Variants in VWDE observed in about 807,000 individuals in gnomAD.
VWDE encodes the protein von Willebrand factor D and EGF domain-containing protein.
VWDE carries 207 observed loss-of-function variants against 178.4 expected under a neutral mutation model. That is an observed-to-expected ratio of 1.16 (90% CI 1.04 to 1.30). VWDE has a LOEUF of 1.30. VWDE is among the 50% of genes most tolerant of loss of function. The pLI is 0.00. For synonymous variants in VWDE, 738 were observed against 651.4 expected (o/e 1.13, Z -2.02); for missense variants, 2,287 against 1,901.3 (o/e 1.20, Z -3.77).
In VWDE at chr7:12,336,150, AC is replaced by A. The variant is rs1424585683; in HGVS notation, c.4644del (p.Cys1549ValfsTer39). On this transcript the variant is annotated frameshift_variant, in exon 27 of 29. Coordinates refer to ENST00000275358, the MANE Select transcript of VWDE (RefSeq NM_001135924.3). LOFTEE classifies it high-confidence loss of function. ...CATCCTGTGGGCTTACGTATTTGACACCGCACTCCTTCCCAGGAGGAAGGAC... is the reference window on the plus strand; with the variant it reads ...CATCCTGTGGGCTTACGTATTTGACACGCACTCCTTCCCAGGAGGAAGGAC... ...CHCPSSWEGV[R>X]CQIPICNPKC... 7.1e-6 allele frequency: 11 copies of A among 1,550,578 alleles called. No homozygotes were observed. Among genetic ancestry groups the A allele is most frequent in the Middle Eastern group, 1.7e-4 (1 of 6,008 alleles).
intron 13 of VWDE, among the ~76,000 whole-genome samples, chr7:12,362,262 C>T (rs1339446419): frequency 1.3e-5 from 2 of 151,680 alleles, no homozygotes; most frequent in African/African-American, 4.8e-5. Context: ...TGCACACATA[C>T]TGAGTCTTCA....
intron 26 of VWDE, among the ~76,000 whole-genome samples, chr7:12,336,776 C>T (rs1218341983): frequency 6.6e-6 from 1 of 152,070 alleles, no homozygotes; most frequent in African/African-American, 2.4e-5. Context: ...CTGAAAAATA[C>T]AAGATATCCT....
At chr7:12,391,935 C>G (rs1320297250) in intron 2 of VWDE, among the ~76,000 whole-genome samples, 1 of 152,064 alleles carries the variant, frequency 6.6e-6, no homozygotes, top group Non-Finnish European at 1.5e-5. Flanking sequence ...AACTCACACC[C>G]AAAAAGTGTA....
chr7:12,398,069 A>T (rs942956820), intron 1 of VWDE, among the ~76,000 whole-genome samples: 13 of 152,192 alleles, frequency 8.5e-5, no homozygotes, highest in Non-Finnish European at 1.6e-4. Flanking sequence ...GTATATACCC[A>T]GGGAAAATGA....
intron 1 of VWDE, among the ~76,000 whole-genome samples, chr7:12,401,926 A>ATAG (rs1470508379): frequency 6.6e-6 from 1 of 152,214 alleles, no homozygotes. Flanking sequence ...CATACAAAAT[A>ATAG]TAGTATATCC....
At chr7:12,339,183 G>C (rs1394531169) in intron 24 of VWDE, among the ~76,000 whole-genome samples, 1 of 152,076 alleles carries the variant, frequency 6.6e-6, no homozygotes, top group Non-Finnish European at 1.5e-5. Flanking sequence ...CTTAAAGCAT[G>C]GAATACGTTC....
chr7:12,341,307 C>T (rs1781315475), intron 23 of VWDE, among the ~76,000 whole-genome samples: 1 of 152,018 alleles, frequency 6.6e-6, no homozygotes, highest in East Asian at 1.9e-4. Flanking sequence ...TGAATTAGAT[C>T]AAACATAGAT....
At chr7:12,356,899 A>T (rs1782278951) in intron 17 of VWDE, among the ~76,000 whole-genome samples, 1 of 152,218 alleles carries the variant, frequency 6.6e-6, no homozygotes, top group Non-Finnish European at 1.5e-5. Flanking sequence ...TATAATCTTG[A>T]TTTCTAATTC....
chr7:12,331,785 G>C (rs1429292866), intron 28 of VWDE, among the ~76,000 whole-genome samples: 1 of 152,018 alleles, frequency 6.6e-6, no homozygotes, highest in Admixed American at 6.6e-5. Flanking sequence ...TAAGTGGCAG[G>C]GTCAGAGTGA....
chr7:12,337,785 A>G (rs2128545198), intron 24 of VWDE, among the ~76,000 whole-genome samples: 1 of 152,216 alleles, frequency 6.6e-6, no homozygotes, highest in South Asian at 2.1e-4. Flanking sequence ...TTAACAATAA[A>G]TCCTTGGTTT....
At chr7:12,367,600 A>G (rs1265904011) in intron 12 of VWDE, 107 bp from the exon 13 acceptor site, 64 of 961,538 alleles carry the variant, frequency 6.7e-5, no homozygotes, top group Non-Finnish European at 9.3e-5. Flanking sequence ...ATAATATTTT[A>G]AAGTATACCT....
At position 12,361,452 on chromosome 7, in the gene VWDE, C is replaced by T. The variant is rs770289551; in HGVS notation, c.2968G>A (p.Val990Ile). 6.4e-7 allele frequency: 1 copy of T among 1,551,132 alleles called. No individual in the cohort carries two copies. Among genetic ancestry groups the T allele is most frequent in the Non-Finnish European group, 8.7e-7 (1 of 1,146,676 alleles). ...TQTVFHNSRA[V>I]DCQLPTDVQQ... ...ACATCAGTGGGCAGCTGACAATCAA[C>T]AGCTCTGCTATTGTGGAAAACAGTC... is the stretch of plus-strand genomic sequence containing the variant. The change falls in exon 14 of 29, where the codon GTT becomes ATT. Residue 990 changes from valine to isoleucine, a missense_variant. Val to Ile is a conservative substitution (Grantham distance 29). Coordinates refer to ENST00000275358, the MANE Select transcript of VWDE (RefSeq NM_001135924.3).
intron 3 of VWDE, among the ~76,000 whole-genome samples, chr7:12,387,374 T>C (rs1005317440): frequency 3.3e-5 from 5 of 151,996 alleles, no homozygotes; most frequent in African/African-American, 9.7e-5. Flanking sequence ...AAATTAACCA[T>C]AGGAGAAAAC....
intron 7 of VWDE, 100 bp from the exon 8 acceptor site, chr7:12,375,327 T>C: frequency 1.0e-6 from 1 of 985,816 alleles, no homozygotes; most frequent in South Asian, 1.7e-5. Flanking sequence ...GTAAGATTAT[T>C]CTCAAATTAT....
At chr7:12,386,914 G>A (rs984154280) in intron 3 of VWDE, among the ~76,000 whole-genome samples, 8 of 152,294 alleles carry the variant, frequency 5.3e-5, no homozygotes, top group African/African-American at 1.9e-4. Context: ...AACTCCAGCA[G>A]TACATATGTG....
intron 23 of VWDE, among the ~76,000 whole-genome samples, chr7:12,341,321 T>C (rs1028427551): frequency 6.6e-6 from 1 of 152,110 alleles, no homozygotes; most frequent in Non-Finnish European, 1.5e-5. Flanking sequence ...CATAGATAAC[T>C]GCAAACATTG....
intron 23 of VWDE, among the ~76,000 whole-genome samples, chr7:12,341,646 G>C (rs538964016): frequency 4.0e-4 from 57 of 141,388 alleles, no homozygotes; most frequent in African/African-American, 1.5e-3. Context: ...AAAAAAAAAA[G>C]CCTAATACTG....
intron 13 of VWDE, among the ~76,000 whole-genome samples, chr7:12,367,052 C>T (rs1782897486): frequency 6.6e-6 from 1 of 151,934 alleles, no homozygotes. Context: ...AACAATGTCT[C>T]TTCTTTATGT....
intron 21 of VWDE, 84 bp from the exon 22 acceptor site, chr7:12,343,262 T>A (rs1410849328): frequency 5.0e-6 from 5 of 999,708 alleles, no homozygotes; most frequent in Admixed American, 2.3e-5. Context: ...CACAATAAAA[T>A]CTTGTTGTAA....
Sources: gnomAD v4.1 joint callset for allele counts (sites outside exome capture counted in the v4.1 genomes callset) on GRCh38, gnomAD v4.1.1 for gene constraint, MANE v1.5 for transcripts, NCBI Gene and HGNC (gene_info 2026-07-23, HGNC 2026-07-21) for gene names.